The following KHDC4 variants were observed in gnomAD, a reference collection of about 807,000 sequenced individuals.
The protein encoded by KHDC4 is KH homology domain-containing protein 4.
KHDC4 carries 19 observed loss-of-function variants against 74.5 expected under a neutral mutation model. The observed-to-expected ratio is 0.26, with a 90% CI of 0.18 to 0.37. KHDC4 has a LOEUF of 0.37. Among genes scored for constraint, KHDC4 ranks in the 10% least tolerant of loss-of-function variants. The pLI, the probability that KHDC4 is intolerant of heterozygous loss-of-function variation, is 1.00. For missense variants in KHDC4, 632 were observed against 754.1 expected, an observed-to-expected ratio of 0.84 and a Z score of 1.90; for synonymous variants, 253 against 266.1, an observed-to-expected ratio of 0.95 and a Z score of 0.48.
At chr1:155,918,623 G>A (rs1673785105) in intron 10 of KHDC4, among the ~76,000 whole-genome samples, 1 of 151,746 alleles carries the variant, frequency 6.6e-6, no homozygotes, top group Non-Finnish European at 1.5e-5. Context: ...TGTATAGCAT[G>A]TTACTGTACT....
rs1237077434 is a variant in KHDC4, at chr1:155,913,262, T to C, written c.*859A>G. On this transcript the variant is annotated 3_prime_UTR_variant, in exon 14 of 14. Coordinates refer to ENST00000368321, the MANE Select transcript of KHDC4 (RefSeq NM_014949.4). ...AAAGTTATTTTGGCAAAATCTGTAA[T>C]GCCAAGAAAAAGGACAATTTGCAAT... 3 of 152,752 alleles carry C rather than the reference T, an allele frequency of 2.0e-5. No homozygotes were observed. Among genetic ancestry groups the C allele is most frequent in the Non-Finnish European group, 4.4e-5 (3 of 68,042 alleles). 9.5% of individuals were successfully genotyped at this position (152,752 alleles called of 1,614,324 possible). A position where few individuals can be genotyped will look rare whatever the true frequency, so the allele number is the denominator to read the frequency against.
intron 8 of KHDC4, among the ~76,000 whole-genome samples, chr1:155,923,188 G>GAA (rs558697123): frequency 4.1e-5 from 5 of 120,814 alleles, no homozygotes; most frequent in Non-Finnish European, 5.3e-5. Context: ...CTGGGCGACA[G>GAA]AAAAAAAAAA....
chr1:155,917,978 C>T (rs1431121838), intron 10 of KHDC4, among the ~76,000 whole-genome samples: 2 of 152,104 alleles, frequency 1.3e-5, no homozygotes, highest in Non-Finnish European at 2.9e-5. Flanking sequence ...CACTGACAGT[C>T]GATGTGATTA....
At position 155,926,731 on chromosome 1, in the gene KHDC4, G is replaced by A. The variant is rs374869413; in HGVS notation, c.626C>T (p.Ala209Val). 8 of 1,614,060 alleles carry A rather than the reference G, an allele frequency of 5.0e-6. No homozygotes were observed. The highest frequency in any genetic ancestry group is 6.8e-6 in the Non-Finnish European group (8 of 1,180,026). The change falls in exon 6 of 14, where the codon GCA becomes GTA. Residue 209 changes from alanine (A) to valine (V), a missense_variant. By Grantham distance (64) the Ala-to-Val change is moderately conservative. This residue lies in a region of KHDC4 where 233 missense variants were observed against 342.6 expected (regional missense o/e 0.68). Transcript: ENST00000368321. ...AGCTGGAGACAACTGAGCGATGGGTGCTGGCTGGTGATAGACAGTTACTGT... is the reference window on the plus strand; with the variant it reads ...AGCTGGAGACAACTGAGCGATGGGTACTGGCTGGTGATAGACAGTTACTGT... ...GATVTVYHQP[A>V]PIAQLSPAVS... is the part of the protein sequence containing the mutation.
rs1158889702 is a variant in KHDC4 at position 155,914,131 on chromosome 1, A to G, written c.1835T>C (p.Met612Thr). 6.2e-7 allele frequency: 1 copy of G among 1,614,028 alleles called. No homozygotes were observed. The highest frequency in any genetic ancestry group is 8.5e-7 in the Non-Finnish European group (1 of 1,179,876). Residue 612 changes from methionine (M) to threonine (T), a missense_variant, in exon 14 of 14, where the codon ATG (methionine) becomes ACG (threonine). Met to Thr is a moderately conservative substitution (Grantham distance 81). Coordinates refer to ENST00000368321, the MANE Select transcript of KHDC4 (RefSeq NM_014949.4). Reference protein sequence around the residue: ...PRAKQQMPFWMAP With the variant: ...PRAKQQMPFWTAP ...CTGTTCCACTGTTTCCTAGGGAGCCATCCAGAATGGCATCTGTTGTTTAGC... is the reference window on the plus strand; with the variant it reads ...CTGTTCCACTGTTTCCTAGGGAGCCGTCCAGAATGGCATCTGTTGTTTAGC...
At chr1:155,916,052 G>A in intron 12 of KHDC4, 88 bp from the exon 13 acceptor site, 1 of 791,562 alleles carries the variant, frequency 1.3e-6, no homozygotes, top group South Asian at 1.6e-5. Context: ...TATGTCTGCA[G>A]ACAATCCTTC....
rs547368930 is a variant in KHDC4 at position 155,924,191 on chromosome 1, CCTATAGTCCCAGCTA to C, written c.894-519_894-505del. Among the ~76,000 whole-genome samples the C allele has an allele frequency of 9.6e-3, 1,455 of 152,186 alleles. 22 individuals are homozygous for C. The highest frequency in any genetic ancestry group is 0.012 in the Non-Finnish European group (797 of 67,994). ...AATTAGCCGGGCATGTTGGCGGGTG[CCTATAGTCCCAGCTA>C]CTTGGGACGCTGAGGCAGGAGGCGA... On this transcript the variant is annotated intron_variant, in intron 7 of 13. Transcript: ENST00000368321.
intron 11 of KHDC4, among the ~76,000 whole-genome samples, chr1:155,917,185 G>GACT (rs1323029133): frequency 6.6e-6 from 1 of 152,152 alleles, no homozygotes; most frequent in African/African-American, 2.4e-5. Context: ...GCAGTCTTGA[G>GACT]GGGTGGGGAG....
chr1:155,915,565 T>C (rs1673713567), intron 13 of KHDC4: 2 of 363,222 alleles, frequency 5.5e-6, no homozygotes, highest in South Asian at 2.3e-4. Context: ...TGGAGGGCAG[T>C]GGTCTGATCT....
intron 4 of KHDC4, among the ~76,000 whole-genome samples, chr1:155,927,784 C>T (rs1177060195): frequency 1.0e-5 from 1 of 97,302 alleles, no homozygotes; most frequent in African/African-American, 4.2e-5. Flanking sequence ...GCCGGGGCAA[C>T]AGAACAAGAC....
At chr1:155,925,998 T>C (rs762009421) in intron 6 of KHDC4, 155 bp from the exon 7 acceptor site, 2 of 780,932 alleles carry the variant, frequency 2.6e-6, no homozygotes, top group South Asian at 2.7e-5. Context: ...TACTCTTCAG[T>C]GAAGGCTGCT....
intron 7 of KHDC4, among the ~76,000 whole-genome samples, chr1:155,925,386 T>C (rs1673967229): frequency 6.6e-6 from 1 of 152,032 alleles, no homozygotes; most frequent in Non-Finnish European, 1.5e-5. Flanking sequence ...CAGGCTGGCC[T>C]CAAACTCCTG....
chr1:155,923,777 C>T (rs1673920198), intron 7 of KHDC4, 90 bp from the exon 8 acceptor site: 4 of 942,202 alleles, frequency 4.2e-6, no homozygotes, highest in Middle Eastern at 2.1e-4. Flanking sequence ...TTTTACATAT[C>T]TACATTAATA....
At chr1:155,925,593 G>T (rs1673972981) in intron 7 of KHDC4, 39 bp downstream of exon 7, 2 of 1,545,990 alleles carry the variant, frequency 1.3e-6, no homozygotes, top group African/African-American at 1.4e-5. Flanking sequence ...CCAACAAGTT[G>T]ACAAGAATTC....
chr1:155,931,132 G>T (rs750450371), intron 2 of KHDC4, among the ~76,000 whole-genome samples: 4 of 151,892 alleles, frequency 2.6e-5, no homozygotes, highest in Non-Finnish European at 4.4e-5. Flanking sequence ...GACCAGCCTG[G>T]GTAACATGGC....
chr1:155,929,242 C>G (rs1182355960), intron 4 of KHDC4, 54 bp downstream of exon 4: 2 of 1,235,878 alleles, frequency 1.6e-6, no homozygotes, highest in East Asian at 2.3e-5. Flanking sequence ...AAACATGAGG[C>G]TAACGTGAGT....
intron 9 of KHDC4, 96 bp from the exon 10 acceptor site, chr1:155,921,724 G>A (rs1673868035): frequency 6.8e-7 from 1 of 1,480,386 alleles, no homozygotes; most frequent in Non-Finnish European, 9.2e-7. Context: ...AAAATACTGA[G>A]GCATGAATGG....
Position 155,917,651 on chromosome 1 carries a change from T to TAAAA in KHDC4, c.1284_1287dup (p.Ile430PhefsTer43). 1 of 1,577,284 alleles carries TAAAA rather than the reference T, an allele frequency of 6.3e-7. No homozygotes were observed. The highest frequency in any genetic ancestry group is 8.6e-7 in the Non-Finnish European group (1 of 1,165,026). ...GCAGTTTTGACAGGAGCAGCAGGAA[T>TAAAA]AAAAGGACCACCCATCGGACTCTGG... On this transcript the variant is annotated frameshift_variant, in exon 11 of 14. Coordinates refer to ENST00000368321, the MANE Select transcript of KHDC4 (RefSeq NM_014949.4). LOFTEE classifies it high-confidence loss of function.
chr1:155,920,552 A>T (rs1572006940), intron 10 of KHDC4, among the ~76,000 whole-genome samples: 1 of 152,104 alleles, frequency 6.6e-6, no homozygotes, highest in East Asian at 1.9e-4. Flanking sequence ...GCTTTTTAAA[A>T]TTTTTTTTGA....
Sources: gnomAD v4.1 joint callset for allele counts (sites outside exome capture counted in the v4.1 genomes callset) on GRCh38, gnomAD v4.1.1 for gene constraint, gnomAD v4.1.1 regional missense constraint, MANE v1.5 for transcripts, NCBI Gene and HGNC (gene_info 2026-07-23, HGNC 2026-07-21) for gene names.